Variants in PLEKHM3 observed in about 807,000 individuals in gnomAD.
The protein encoded by PLEKHM3 is pleckstrin homology domain-containing family M member 3.
In PLEKHM3, 45 loss-of-function variants were observed where a neutral mutation model predicts 81.8. The observed-to-expected ratio is 0.55, with a 90% CI of 0.43 to 0.71. PLEKHM3 has a LOEUF of 0.71. Among genes scored for constraint, PLEKHM3 ranks in the 30% least tolerant of loss-of-function variants. PLEKHM3 has a pLI of 0.00. For synonymous variants in PLEKHM3, 352 were observed against 356.4 expected (o/e 0.99, Z 0.14); for missense variants, 788 against 924.3 (o/e 0.85, Z 1.91).
intron 7 of PLEKHM3, among the ~76,000 whole-genome samples, chr2:207,860,165 G>GTGTGTGTT (rs957382067): frequency 2.7e-5 from 4 of 145,704 alleles, no homozygotes; most frequent in African/African-American, 1.1e-4. Flanking sequence ...GTGTGTGTGT[G>GTGTGTGTT]TGTGTGTGTG....
At chr2:208,016,087 G>A (rs1006375399) in intron 1 of PLEKHM3, among the ~76,000 whole-genome samples, 25 of 152,004 alleles carry the variant, frequency 1.6e-4, no homozygotes, top group African/African-American at 5.8e-4. Flanking sequence ...GCAGCTACTC[G>A]GGAGGCTGAG....
chr2:207,922,931 CT>C (rs1247773929), intron 5 of PLEKHM3, among the ~76,000 whole-genome samples: 2 of 152,152 alleles, frequency 1.3e-5, no homozygotes, highest in African/African-American at 4.8e-5. Context: ...AGAGGCAGCA[CT>C]TGAGTTGGCT....
chr2:207,937,828 T>G (rs565417040), intron 4 of PLEKHM3, among the ~76,000 whole-genome samples: 1 of 152,270 alleles, frequency 6.6e-6, no homozygotes, highest in South Asian at 2.1e-4. Context: ...GCCAAAATCA[T>G]AATAAAATCA....
chr2:207,889,470 C>CACACACAT (rs1369440232), intron 6 of PLEKHM3, among the ~76,000 whole-genome samples: 1 of 124,118 alleles, frequency 8.1e-6, no homozygotes, highest in East Asian at 2.1e-4. Context: ...CACACACACA[C>CACACACAT]ACACACACAC....
At chr2:207,899,672 A>G (rs911912140) in intron 6 of PLEKHM3, among the ~76,000 whole-genome samples, 1 of 152,198 alleles carries the variant, frequency 6.6e-6, no homozygotes, top group Non-Finnish European at 1.5e-5. Flanking sequence ...TTCTGAGGGA[A>G]GTGAAGCGAT....
At chr2:207,840,796 TATG>T (rs377021089) in intron 7 of PLEKHM3, among the ~76,000 whole-genome samples, 1 of 144,098 alleles carries the variant, frequency 6.9e-6, no homozygotes, top group African/African-American at 2.7e-5. Flanking sequence ...TAACACTTTT[TATG>T]TTTTTTTTTT....
intron 6 of PLEKHM3, among the ~76,000 whole-genome samples, chr2:207,906,217 C>A (rs1250822383): frequency 2.0e-5 from 3 of 152,198 alleles, no homozygotes; most frequent in Non-Finnish European, 4.4e-5. Context: ...GCACTACGAT[C>A]AGGTAGACTT....
chr2:207,880,759 T>G (rs2092585006), intron 6 of PLEKHM3, among the ~76,000 whole-genome samples: 2 of 738 alleles, frequency 2.7e-3, no homozygotes, highest in Non-Finnish European at 4.3e-3. Flanking sequence ...CGAGACTCTG[T>G]CTCAAAAAAA....
rs1311826583 is a variant in PLEKHM3 at position 207,827,260 on chromosome 2, G to C, written c.*1059C>G. ...TGGTCACATTGACAAAGGTCGAAAT[G>C]AAAGTGCAGGAAGAACAACGAGAAA... On this transcript the variant is annotated 3_prime_UTR_variant, in exon 8 of 8. Transcript: ENST00000427836. 2.0e-5 allele frequency: 3 copies of C among 151,838 alleles called. No homozygotes were observed. The highest frequency in any genetic ancestry group is 4.8e-5 in the African/African-American group (2 of 41,370). The allele number at this position is 151,838 out of a possible 1,614,324, so 9.4% of individuals were successfully genotyped here. A position where few individuals can be genotyped will look rare whatever the true frequency, so the allele number is the denominator to read the frequency against.
chr2:207,908,374 C>T (rs940894659), intron 6 of PLEKHM3, 140 bp downstream of exon 6: 11 of 803,640 alleles, frequency 1.4e-5, no homozygotes, highest in Admixed American at 8.0e-5. Context: ...CTAAGTTTTC[C>T]CCCCATTCTG....
At chr2:207,931,730 T>A (rs1278411199) in intron 4 of PLEKHM3, among the ~76,000 whole-genome samples, 1 of 152,192 alleles carries the variant, frequency 6.6e-6, no homozygotes, top group Non-Finnish European at 1.5e-5. Flanking sequence ...CACAGCACTT[T>A]GGGAGGCTGA....
intron 7 of PLEKHM3, among the ~76,000 whole-genome samples, chr2:207,855,478 T>C (rs1300108853): frequency 6.6e-6 from 1 of 152,224 alleles, no homozygotes; most frequent in African/African-American, 2.4e-5. Context: ...GTATCCATAC[T>C]TGGCTCCCAA....
intron 3 of PLEKHM3, among the ~76,000 whole-genome samples, chr2:207,947,447 T>C (rs999099283): frequency 2.0e-5 from 3 of 152,230 alleles, no homozygotes; most frequent in Admixed American, 1.3e-4. Flanking sequence ...TTTCTTTAGA[T>C]AGGAAGAACT....
chr2:207,875,391 T>C (rs2092555247), intron 6 of PLEKHM3, among the ~76,000 whole-genome samples: 1 of 152,196 alleles, frequency 6.6e-6, no homozygotes, highest in Non-Finnish European at 1.5e-5. Flanking sequence ...ATTAAAAATA[T>C]TGTTAATATA....
intron 2 of PLEKHM3, among the ~76,000 whole-genome samples, chr2:207,991,141 T>G (rs1691888600): frequency 6.6e-6 from 1 of 152,212 alleles, no homozygotes; most frequent in Non-Finnish European, 1.5e-5. Context: ...TGTTGAGGTT[T>G]TGGACCCAGG....
chr2:208,016,561 A>G (rs1412924112), intron 1 of PLEKHM3, among the ~76,000 whole-genome samples: 1 of 151,258 alleles, frequency 6.6e-6, no homozygotes, highest in Non-Finnish European at 1.5e-5. Flanking sequence ...AGGTGGGAGA[A>G]CTGCTGGAGC....
chr2:208,009,905 A>G (rs575338143), intron 1 of PLEKHM3, among the ~76,000 whole-genome samples: 1 of 152,304 alleles, frequency 6.6e-6, no homozygotes, highest in African/African-American at 2.4e-5. Flanking sequence ...TGTTGACTCA[A>G]GCTTTTACAT....
intron 4 of PLEKHM3, among the ~76,000 whole-genome samples, chr2:207,935,612 C>A (rs148860142): frequency 3.5e-3 from 535 of 152,258 alleles, no homozygotes; most frequent in Non-Finnish European, 5.7e-3. Context: ...AATCCACTGC[C>A]TGTATTTAAT....
chr2:207,831,493 G>T (rs1438260584), intron 7 of PLEKHM3, among the ~76,000 whole-genome samples: 1 of 152,218 alleles, frequency 6.6e-6, no homozygotes, highest in Non-Finnish European at 1.5e-5. Context: ...GTGACAGTGG[G>T]CAAGTTACTA....
Sources: gnomAD v4.1 joint callset for allele counts (sites outside exome capture counted in the v4.1 genomes callset) on GRCh38, gnomAD v4.1.1 for gene constraint, MANE v1.5 for transcripts, NCBI Gene and HGNC (gene_info 2026-07-23, HGNC 2026-07-21) for gene names.